The following COL19A1 variants were observed in gnomAD, a reference collection of about 807,000 sequenced individuals.
COL19A1 encodes collagen alpha-1(XIX) chain.
In COL19A1, 159 loss-of-function variants were observed where a neutral mutation model predicts 190.2. That is an observed-to-expected ratio of 0.84 (90% CI 0.73 to 0.95). COL19A1 has a LOEUF of 0.95. Ranked by LOEUF, COL19A1 falls within the 40% of genes least tolerant of loss-of-function variation. COL19A1 has a pLI of 0.00. For missense variants in COL19A1, 1,418 were observed against 1,431.9 expected, an observed-to-expected ratio of 0.99 and a Z score of 0.16; for synonymous variants, 509 against 458.9, an observed-to-expected ratio of 1.11 and a Z score of -1.39.
At chr6:70,036,075 C>A in intron 14 of COL19A1, 136 bp downstream of exon 14, 2 of 772,856 alleles carry the variant, frequency 2.6e-6, no homozygotes, top group Non-Finnish European at 4.3e-6. Flanking sequence ...GTAGTCAAAC[C>A]TCCACATTTT....
At chr6:70,148,625 T>C (rs952293058) in intron 27 of COL19A1, among the ~76,000 whole-genome samples, 1 of 152,056 alleles carries the variant, frequency 6.6e-6, no homozygotes, top group Non-Finnish European at 1.5e-5. Context: ...AGTAAAAACT[T>C]GTATCAGAAA....
At chr6:70,117,166 G>T (rs1784628252) in intron 16 of COL19A1, among the ~76,000 whole-genome samples, 1 of 152,200 alleles carries the variant, frequency 6.6e-6, no homozygotes. Context: ...GGATCAGAAG[G>T]CTCAAGCTCT....
intron 44 of COL19A1, 28 bp downstream of exon 44, chr6:70,180,551 G>T: frequency 6.2e-7 from 1 of 1,607,278 alleles, no homozygotes; most frequent in Non-Finnish European, 8.5e-7. Context: ...CTTAAAATAT[G>T]CCACCTAGAG....
At chr6:70,144,340 G>C in intron 24 of COL19A1, 77 bp downstream of exon 24, 1 of 1,255,096 alleles carries the variant, frequency 8.0e-7, no homozygotes, top group Non-Finnish European at 1.2e-6. Flanking sequence ...GGAGATGAAA[G>C]GACAGCCCAG....
chr6:69,899,608 A>T (rs967491090), intron 3 of COL19A1, among the ~76,000 whole-genome samples: 3 of 152,166 alleles, frequency 2.0e-5, no homozygotes, highest in Non-Finnish European at 4.4e-5. Context: ...GAAGAAAAAA[A>T]AATTTGTGAG....
intron 22 of COL19A1, 101 bp downstream of exon 22, chr6:70,142,177 A>C (rs1270579416): frequency 3.8e-6 from 4 of 1,042,882 alleles, no homozygotes; most frequent in Non-Finnish European, 5.7e-6. Flanking sequence ...TTTCTTCACA[A>C]ATGCTCTCCA....
intron 6 of COL19A1, among the ~76,000 whole-genome samples, chr6:69,931,542 TTTAG>T (rs1402858893): frequency 1.3e-5 from 2 of 152,082 alleles, no homozygotes; most frequent in Non-Finnish European, 2.9e-5. Context: ...AATAAAAAAG[TTTAG>T]TTAAGAACAA....
intron 16 of COL19A1, among the ~76,000 whole-genome samples, chr6:70,119,242 G>GTTTTGT (rs1301974228): frequency 2.2e-4 from 34 of 152,278 alleles, no homozygotes; most frequent in African/African-American, 7.5e-4. Flanking sequence ...TAGGAGAAAT[G>GTTTTGT]TTTTGTAATA....
At chr6:70,110,633 T>G (rs563499694) in intron 16 of COL19A1, among the ~76,000 whole-genome samples, 1 of 152,148 alleles carries the variant, frequency 6.6e-6, no homozygotes, top group Non-Finnish European at 1.5e-5. Context: ...GACATGCATG[T>G]GAGGCAGCTG....
chr6:70,109,576 GTGTGT>G lies in COL19A1; in HGVS notation c.1278+7355_1278+7359del, dbSNP rs1269471147. Reference sequence around the variant, plus strand: ...TGTGTGTGTGTGTGTGTGTGTGTGTGTGTGTGTATCTGCAGCGGTTTGATTTTTTT... The same window carrying G: ...TGTGTGTGTGTGTGTGTGTGTGTGTGGTATCTGCAGCGGTTTGATTTTTTT... On this transcript the variant is annotated intron_variant, in intron 16 of 50. Transcript: ENST00000620364. Among the ~76,000 whole-genome samples the G allele has an allele frequency of 9.5e-5, 14 of 147,060 alleles. No homozygotes were observed. The South Asian group carries it at 1.1e-3, about 11-fold the overall frequency.
chr6:70,107,363 C>T (rs78552138), intron 16 of COL19A1, among the ~76,000 whole-genome samples: 276 of 152,260 alleles, frequency 1.8e-3, no homozygotes, highest in African/African-American at 6.5e-3. Context: ...TCCTCACTAG[C>T]TTGTCCTGGA....
At chr6:70,000,955 C>T (rs1452561344) in intron 11 of COL19A1, among the ~76,000 whole-genome samples, 2 of 152,128 alleles carry the variant, frequency 1.3e-5, no homozygotes, top group Non-Finnish European at 2.9e-5. Flanking sequence ...TGCCTATGTC[C>T]TGAAGGGTAC....
intron 1 of COL19A1, among the ~76,000 whole-genome samples, chr6:69,876,282 A>G (rs1768122612): frequency 6.6e-6 from 1 of 152,214 alleles, no homozygotes; most frequent in African/African-American, 2.4e-5. Flanking sequence ...AGTAATTAGG[A>G]GATGTCAAGG....
At chr6:69,934,849 T>C (rs1772999175) in intron 7 of COL19A1, among the ~76,000 whole-genome samples, 1 of 151,996 alleles carries the variant, frequency 6.6e-6, no homozygotes, top group African/African-American at 2.4e-5. Context: ...AATAATTATA[T>C]AAAAGCCATT....
intron 48 of COL19A1, among the ~76,000 whole-genome samples, 169 bp downstream of exon 48, chr6:70,190,550 A>G (rs1172571631): frequency 1.3e-5 from 2 of 152,224 alleles, no homozygotes; most frequent in East Asian, 1.9e-4. Context: ...TTCTTTATAC[A>G]AAGTTAACTT....
rs1404043534 is a variant in COL19A1 at position 69,971,060 on chromosome 6, A to AT, written c.1026+8193dup. ...CTTACAGTGCTCGTGAATAACTCTA[A>AT]TTTATGTGAAATATGTTTAACCCTC... On this transcript the variant is annotated intron_variant, in intron 11 of 50. Coordinates refer to ENST00000620364, the MANE Select transcript of COL19A1 (RefSeq NM_001858.6). 5.7e-4 allele frequency among the ~76,000 whole-genome samples: 86 copies of AT among 152,212 alleles called. 1 individual carries two copies. Among genetic ancestry groups the AT allele is most frequent in the Admixed American group, 1.5e-3 (23 of 15,286 alleles).
At chr6:69,965,795 C>T (rs932212585) in intron 11 of COL19A1, among the ~76,000 whole-genome samples, 3 of 152,192 alleles carry the variant, frequency 2.0e-5, no homozygotes, top group African/African-American at 7.2e-5. Flanking sequence ...TCCCACTTCA[C>T]CATCCCTAGC....
At chr6:70,176,622 C>T in intron 42 of COL19A1, 58 bp downstream of exon 42, 1 of 1,555,122 alleles carries the variant, frequency 6.4e-7, no homozygotes, top group South Asian at 1.2e-5. Flanking sequence ...CTCCATGATA[C>T]ACCTGTGGCC....
At chr6:70,016,663 C>T (rs1188224629) in intron 11 of COL19A1, among the ~76,000 whole-genome samples, 1 of 151,720 alleles carries the variant, frequency 6.6e-6, no homozygotes, top group African/African-American at 2.4e-5. Context: ...ATCAATAATA[C>T]ATAAAGAACT....
Sources: gnomAD v4.1 joint callset for allele counts (sites outside exome capture counted in the v4.1 genomes callset) on GRCh38, gnomAD v4.1.1 for gene constraint, MANE v1.5 for transcripts, NCBI Gene and HGNC (gene_info 2026-07-23, HGNC 2026-07-21) for gene names.